The following LANCL3 variants were observed in gnomAD, a reference collection of about 807,000 sequenced individuals.
LANCL3 encodes the protein lanC-like protein 3.
In LANCL3, 19 loss-of-function variants were observed where a neutral mutation model predicts 26.5. That is an observed-to-expected ratio of 0.72 (90% CI 0.50 to 1.05). The LOEUF is 1.05. Among genes scored for constraint, LANCL3 ranks in the 50% least tolerant of loss-of-function variants. The probability of loss-of-function intolerance (pLI) is 0.00; values close to 1 mark genes in which losing one functional copy is unlikely to be tolerated. For missense variants in LANCL3, 318 were observed against 362.7 expected, an observed-to-expected ratio of 0.88 and a Z score of 1.00; for synonymous variants, 160 against 166.6, an observed-to-expected ratio of 0.96 and a Z score of 0.30.
chrX:37,589,985 TC>T (rs1337506403), intron 1 of LANCL3, among the ~76,000 whole-genome samples: 1 of 112,624 alleles, frequency 8.9e-6, no homozygotes, highest in East Asian at 2.8e-4. Context: ...ACTCTGCACT[TC>T]CTCCAGGGAA....
At position 37,637,846 on chromosome X, in the gene LANCL3, G is replaced by A. The variant is rs782568306; in HGVS notation, c.574-17842G>A. 1.6e-4 allele frequency among the ~76,000 whole-genome samples: 18 copies of A among 110,608 alleles called. No homozygotes were observed. The Middle Eastern group carries it at 0.019, about 114-fold the overall frequency. On this transcript the variant is annotated intron_variant, in intron 1 of 4. Transcript: ENST00000378619. ...GAAGTTTCGTCCTACTTCTCCTCTC[G>A]GTGGATCATTGCAGCCATCTTGAAT...
chrX:37,593,294 A>G (rs782803897), intron 1 of LANCL3, among the ~76,000 whole-genome samples: 1 of 111,565 alleles, frequency 9.0e-6, no homozygotes, highest in East Asian at 2.8e-4. Flanking sequence ...CAAAAGTAGG[A>G]CTAATTGCAC....
chrX:37,576,073 G>A (rs1245220148), intron 1 of LANCL3, among the ~76,000 whole-genome samples: 3 of 112,053 alleles, frequency 2.7e-5, no homozygotes, highest in African/African-American at 6.5e-5. Flanking sequence ...ATAAGCTAGC[G>A]TACAGTACCT....
At position 37,674,739 on chromosome X, in the gene LANCL3, C is replaced by G. The variant is rs12396913; in HGVS notation, c.1104-915C>G. 5.9e-3 allele frequency among the ~76,000 whole-genome samples: 660 copies of G among 111,063 alleles called. 12 individuals carry two copies. The highest frequency in any genetic ancestry group is 0.021 in the African/African-American group (638 of 30,576). Reference sequence around the variant, plus strand: ...AAGTTGCCGTATGTAATTCTAAGAGCCCTAAAAAAATCAAATAAATAATTA... The same window carrying G: ...AAGTTGCCGTATGTAATTCTAAGAGGCCTAAAAAAATCAAATAAATAATTA... On this transcript the variant is annotated intron_variant, in intron 4 of 4. Coordinates refer to ENST00000378619, the MANE Select transcript of LANCL3 (RefSeq NM_001170331.2).
intron 1 of LANCL3, among the ~76,000 whole-genome samples, chrX:37,635,761 A>G (rs1376698080): frequency 9.0e-6 from 1 of 111,145 alleles, no homozygotes; most frequent in East Asian, 2.8e-4. Context: ...ATATATATAT[A>G]AACACATCAC....
At chrX:37,642,362 T>C (rs3117509) in intron 1 of LANCL3, among the ~76,000 whole-genome samples, 5,299 of 111,562 alleles carry the variant, frequency 0.047, 124 homozygotes, top group Non-Finnish European at 0.076. Context: ...AAAAAGGGAT[T>C]AGATTTTCTC....
intron 1 of LANCL3, among the ~76,000 whole-genome samples, chrX:37,605,120 C>T (rs1602104343): frequency 8.9e-6 from 1 of 112,003 alleles, no homozygotes; most frequent in Non-Finnish European, 1.9e-5. Flanking sequence ...CACAAATAAT[C>T]CCAGACAGCT....
intron 1 of LANCL3, among the ~76,000 whole-genome samples, chrX:37,600,073 A>AGG (rs1353764338): frequency 5.4e-5 from 6 of 112,038 alleles, no homozygotes; most frequent in Non-Finnish European, 1.1e-4. Context: ...TTAAAGAATA[A>AGG]AGTAGCCCCC....
chrX:37,603,154 G>A (rs1352414395), intron 1 of LANCL3, among the ~76,000 whole-genome samples: 3 of 112,386 alleles, frequency 2.7e-5, no homozygotes, highest in Non-Finnish European at 3.8e-5. Context: ...TCTTACTAGA[G>A]AATCACTTTC....
intron 1 of LANCL3, among the ~76,000 whole-genome samples, chrX:37,608,945 T>G (rs1556420813): frequency 8.9e-6 from 1 of 112,437 alleles, no homozygotes; most frequent in African/African-American, 3.2e-5. Context: ...GCTTTAAGTT[T>G]TCCTTGGTGC....
At chrX:37,628,565 T>C (rs1421631516) in intron 1 of LANCL3, among the ~76,000 whole-genome samples, 2 of 102,792 alleles carry the variant, frequency 1.9e-5, no homozygotes, top group African/African-American at 7.1e-5. Context: ...TCATTTAGCA[T>C]TAGGTATATC....
intron 1 of LANCL3, among the ~76,000 whole-genome samples, chrX:37,590,971 C>T (rs1924255427): frequency 8.9e-6 from 1 of 111,880 alleles, no homozygotes; most frequent in African/African-American, 3.3e-5. Flanking sequence ...TACCCTTAAC[C>T]TTGGCCAAAC....
intron 1 of LANCL3, among the ~76,000 whole-genome samples, chrX:37,586,012 C>G (rs1245887853): frequency 9.0e-6 from 1 of 111,112 alleles, no homozygotes; most frequent in Non-Finnish European, 1.9e-5. Context: ...AATCTCTCAG[C>G]ATTTGCTTGT....
intron 2 of LANCL3, among the ~76,000 whole-genome samples, chrX:37,656,392 G>C (rs1556430887): frequency 9.0e-6 from 1 of 111,310 alleles, no homozygotes; most frequent in African/African-American, 3.3e-5. Context: ...TCCAGGTTCT[G>C]TCCAGCATAG....
intron 2 of LANCL3, among the ~76,000 whole-genome samples, chrX:37,656,951 A>G (rs1343680514): frequency 3.5e-5 from 4 of 113,020 alleles, no homozygotes; most frequent in Non-Finnish European, 5.6e-5. Context: ...AATTTCAGAA[A>G]GTGTTGATAG....
chrX:37,600,990 G>A (rs1008835813), intron 1 of LANCL3, among the ~76,000 whole-genome samples: 1 of 111,747 alleles, frequency 8.9e-6, no homozygotes, highest in Non-Finnish European at 1.9e-5. Flanking sequence ...GATACTATTC[G>A]TGTTGGAAAC....
In LANCL3 at chrX:37,572,130, C is replaced by T; in HGVS notation, c.260C>T (p.Thr87Met). The T allele has an allele frequency of 1.7e-6, 2 of 1,194,963 alleles. No individual in the cohort carries two copies. Among genetic ancestry groups the T allele is most frequent in the Non-Finnish European group, 2.2e-6 (2 of 892,362 alleles). The change falls in exon 1 of 5, where the codon ACG becomes ATG. Residue 87 changes from threonine to methionine, a missense_variant. Transcript: ENST00000378619. ...GTCTCGCAGAGCCCGCTTTTCGCCA[C>T]GGCCCGGGAACGCTACCTGCGCTCG... Reference protein sequence around the residue: ...YHVSQSPLFATARERYLRSAK... With the variant: ...YHVSQSPLFAMARERYLRSAK...
intron 1 of LANCL3, among the ~76,000 whole-genome samples, chrX:37,622,969 G>C (rs1285987555): frequency 8.9e-6 from 1 of 112,291 alleles, no homozygotes; most frequent in Non-Finnish European, 1.9e-5. Flanking sequence ...CCACTTCATT[G>C]ATTGATGGAT....
intron 1 of LANCL3, among the ~76,000 whole-genome samples, chrX:37,582,340 T>C (rs1360340623): frequency 2.7e-5 from 3 of 111,950 alleles, no homozygotes; most frequent in Non-Finnish European, 5.6e-5. Flanking sequence ...TAGTTCTAGA[T>C]CCCTGAGGAA....
Sources: gnomAD v4.1 joint callset for allele counts (sites outside exome capture counted in the v4.1 genomes callset) on GRCh38, gnomAD v4.1.1 for gene constraint, MANE v1.5 for transcripts, NCBI Gene and HGNC (gene_info 2026-07-23, HGNC 2026-07-21) for gene names.